The following PRSS12 variants were observed in gnomAD, a reference collection of about 807,000 sequenced individuals.
PRSS12 encodes the protein serine protease 12, also known as neurotrypsin.
PRSS12 carries 85 observed loss-of-function variants against 104.4 expected under a neutral mutation model. The observed-to-expected ratio is 0.81, with a 90% confidence interval of 0.68 to 0.98. PRSS12 has a LOEUF of 0.98. PRSS12 is among the 50% of genes least tolerant of loss of function. The pLI is 0.00. For missense variants in PRSS12, 1,141 were observed against 1,139.2 expected (o/e 1.00, Z -0.02); for synonymous variants, 454 against 425.2 (o/e 1.07, Z -0.83).
intron 10 of PRSS12, 71 bp from the exon 11 acceptor site, chr4:118,295,132 C>A: frequency 1.9e-6 from 3 of 1,549,954 alleles, no homozygotes; most frequent in Admixed American, 1.8e-5. Flanking sequence ...CTGGTTAAAG[C>A]AATGGCTTTA....
intron 1 of PRSS12, among the ~76,000 whole-genome samples, chr4:118,339,800 T>C (rs554426355): frequency 1.3e-5 from 2 of 152,298 alleles, no homozygotes; most frequent in Admixed American, 6.5e-5. Flanking sequence ...TATCACAAAA[T>C]CTCTTCTACA....
At chr4:118,339,483 A>G (rs1724146498) in intron 1 of PRSS12, among the ~76,000 whole-genome samples, 2 of 152,212 alleles carry the variant, frequency 1.3e-5, no homozygotes, top group Admixed American at 1.3e-4. Context: ...TCCTTTAAAA[A>G]TGTAAGCATT....
chr4:118,290,676 C>T (rs1266171257), intron 11 of PRSS12, among the ~76,000 whole-genome samples: 1 of 151,946 alleles, frequency 6.6e-6, no homozygotes, highest in Non-Finnish European at 1.5e-5. Flanking sequence ...TGTAAAATGA[C>T]GTAACCTGAG....
In PRSS12 at chr4:118,326,635, C is replaced by T. The variant is rs141822682; in HGVS notation, c.971+5081G>A. 3.3e-5 allele frequency among the ~76,000 whole-genome samples: 5 copies of T among 152,288 alleles called. No homozygotes were observed. The East Asian group carries it at 7.7e-4, about 23-fold the overall frequency. ...TAAATTTAACTTTCTCTCTTGACTT[C>T]CTTATTTCTTTCAGCCCTATATTTG... On this transcript the variant is annotated intron_variant, in intron 4 of 12. Coordinates refer to ENST00000296498, the MANE Select transcript of PRSS12 (RefSeq NM_003619.4).
rs373133014 is a variant in PRSS12, at chr4:118,312,324, C to T, written c.1489+877G>A. On this transcript the variant is annotated intron_variant, in intron 7 of 12. Transcript: ENST00000296498. ...TTCAATCCAAGGTTAAAAGTAAAGACCACCTAAGGCTATTTTAACATCTAT... is the reference window on the plus strand; with the variant it reads ...TTCAATCCAAGGTTAAAAGTAAAGATCACCTAAGGCTATTTTAACATCTAT... Among the ~76,000 whole-genome samples the T allele has an allele frequency of 3.8e-4, 58 of 152,098 alleles. No homozygotes were observed. In the South Asian group the frequency reaches 0.012, roughly 32 times the overall value.
chr4:118,333,607 AG>A (rs1270499229), intron 3 of PRSS12, among the ~76,000 whole-genome samples: 1 of 152,244 alleles, frequency 6.6e-6, no homozygotes, highest in Non-Finnish European at 1.5e-5. Context: ...TACAAAATAC[AG>A]AAAAACATGT....
chr4:118,308,822 G>T (rs192095750), intron 7 of PRSS12, among the ~76,000 whole-genome samples: 161 of 152,276 alleles, frequency 1.1e-3, no homozygotes, highest in African/African-American at 3.7e-3. Flanking sequence ...ACAGTGCCTG[G>T]CATACAGAGG....
intron 1 of PRSS12, among the ~76,000 whole-genome samples, chr4:118,341,828 T>C (rs1724219707): frequency 6.6e-6 from 1 of 152,218 alleles, no homozygotes; most frequent in Non-Finnish European, 1.5e-5. Context: ...TTACTGACCT[T>C]CTACCTCCAA....
At chr4:118,325,339 A>C (rs976783313) in intron 4 of PRSS12, among the ~76,000 whole-genome samples, 3 of 151,284 alleles carry the variant, frequency 2.0e-5, no homozygotes, top group Non-Finnish European at 3.0e-5. Context: ...AAAAAAAAAA[A>C]CACTACCTGG....
At position 118,313,200 on chromosome 4, in the gene PRSS12, C is replaced by T. The variant is rs757686995; in HGVS notation, c.1489+1G>A. 1.2e-6 allele frequency: 2 copies of T among 1,612,514 alleles called. No homozygotes were observed. The highest frequency in any genetic ancestry group is 1.7e-6 in the Non-Finnish European group (2 of 1,179,796). Reference sequence around the variant, plus strand: ...ACTTGAGAGCTGCAGCCAGTCCTCACCCAGAGAGAGCCTGTGTCCCTCGCC... The same window carrying T: ...ACTTGAGAGCTGCAGCCAGTCCTCATCCAGAGAGAGCCTGTGTCCCTCGCC... On this transcript the variant is annotated splice_donor_variant, in intron 7 of 12. Coordinates refer to ENST00000296498, the MANE Select transcript of PRSS12 (RefSeq NM_003619.4). LOFTEE classifies it high-confidence loss of function.
chr4:118,352,136 T>C, intron 1 of PRSS12, 83 bp downstream of exon 1: 1 of 1,567,902 alleles, frequency 6.4e-7, no homozygotes, highest in Non-Finnish European at 8.6e-7. Context: ...CGTCACTTTT[T>C]CCAAGAGACC....
intron 1 of PRSS12, among the ~76,000 whole-genome samples, chr4:118,347,326 G>C (rs1026091163): frequency 1.3e-5 from 2 of 152,154 alleles, no homozygotes; most frequent in Non-Finnish European, 2.9e-5. Context: ...ACAAACAACA[G>C]ATGGAATTCA....
At chr4:118,294,168 A>C (rs1338486600) in intron 11 of PRSS12, among the ~76,000 whole-genome samples, 1 of 152,240 alleles carries the variant, frequency 6.6e-6, no homozygotes, top group African/African-American at 2.4e-5. Context: ...TTTTTTTAAA[A>C]CTTCATTGTG....
intron 11 of PRSS12, among the ~76,000 whole-genome samples, chr4:118,290,604 T>C (rs1410432404): frequency 6.6e-6 from 1 of 152,186 alleles, no homozygotes; most frequent in Non-Finnish European, 1.5e-5. Context: ...ATAAAATACT[T>C]TGACATACTT....
At chr4:118,329,477 T>C (rs1449303034) in intron 4 of PRSS12, among the ~76,000 whole-genome samples, 3 of 152,184 alleles carry the variant, frequency 2.0e-5, no homozygotes, top group African/African-American at 4.8e-5. Flanking sequence ...AGCACGTCAC[T>C]GAACACATAA....
chr4:118,342,909 A>C (rs939896011), intron 1 of PRSS12, among the ~76,000 whole-genome samples: 1 of 152,228 alleles, frequency 6.6e-6, no homozygotes, highest in Non-Finnish European at 1.5e-5. Flanking sequence ...TAAAAGGTTC[A>C]TGTAACAGAA....
At chr4:118,326,432 G>C (rs181094729) in intron 4 of PRSS12, among the ~76,000 whole-genome samples, 21 of 152,252 alleles carry the variant, frequency 1.4e-4, no homozygotes, top group African/African-American at 4.8e-4. Context: ...GGAAACAGAG[G>C]CTCAAAAGTT....
chr4:118,317,742 A>G (rs1723484689), intron 5 of PRSS12, among the ~76,000 whole-genome samples: 1 of 152,228 alleles, frequency 6.6e-6, no homozygotes, highest in Non-Finnish European at 1.5e-5. Flanking sequence ...AGAAATATGT[A>G]AACAAAACAT....
At position 118,352,792 on chromosome 4, in the gene PRSS12, G is replaced by A. The variant is rs919315132; in HGVS notation, c.-72C>T. On this transcript the variant is annotated 5_prime_UTR_variant, in exon 1 of 13. Coordinates refer to ENST00000296498, the MANE Select transcript of PRSS12 (RefSeq NM_003619.4). ...CTTGGAGCGGAGAAGAGGAGGGGGC[G>A]GGGGCGGGGCTGCCGCGTCCCTCGA... 1.9e-6 allele frequency: 3 copies of A among 1,585,062 alleles called. No individual in the cohort carries two copies. The highest frequency in any genetic ancestry group is 2.6e-6 in the Non-Finnish European group (3 of 1,169,436).
Sources: allele counts gnomAD v4.1 joint callset (sites outside exome capture counted in the v4.1 genomes callset), GRCh38; gene constraint gnomAD v4.1.1; transcripts MANE v1.5; gene names NCBI Gene and HGNC (gene_info 2026-07-23, HGNC 2026-07-21).